Variants in AGL observed in about 807,000 individuals in gnomAD.
AGL encodes amylo-alpha-1,6-glucosidase and 4-alpha-glucanotransferase.
A neutral mutation model predicts 199.3 loss-of-function variants in AGL; 128 were observed. The ratio of observed to expected loss-of-function variants is 0.64; its 90% CI spans 0.56 to 0.74. The LOEUF (loss-of-function observed/expected upper bound fraction) is 0.74, where lower values mean the gene tolerates loss of function less well. AGL is among the 30% of genes least tolerant of loss of function. The probability of loss-of-function intolerance (pLI) is 0.00; values close to 1 mark genes in which losing one functional copy is unlikely to be tolerated. For missense variants in AGL, 1,809 were observed against 1,820.8 expected (o/e 0.99, Z 0.12); for synonymous variants, 584 against 594.7 (o/e 0.98, Z 0.26).
At chr1:99,883,280 G>A (rs1016571250) in intron 17 of AGL, among the ~76,000 whole-genome samples, 1 of 152,068 alleles carries the variant, frequency 6.6e-6, no homozygotes, top group Non-Finnish European at 1.5e-5. Flanking sequence ...TAAAGCTTAA[G>A]TTATTTAAAG....
At chr1:99,874,910 A>C (rs1044763723) in intron 8 of AGL, 100 bp downstream of exon 8, 3 of 1,403,370 alleles carry the variant, frequency 2.1e-6, no homozygotes, top group Non-Finnish European at 3.0e-6. Context: ...TTAATAGAAA[A>C]TGAAATAAAG....
At chr1:99,884,927 C>T (rs185375999) in intron 20 of AGL, among the ~76,000 whole-genome samples, 7 of 152,270 alleles carry the variant, frequency 4.6e-5, no homozygotes, top group Admixed American at 3.9e-4. Flanking sequence ...ACACACATGC[C>T]TACATGCATA....
In AGL at chr1:99,900,741, G is replaced by T; in HGVS notation, c.3468G>T (p.Trp1156Cys). 2 of 1,614,158 alleles carry T rather than the reference G, an allele frequency of 1.2e-6. No individual in the cohort carries two copies. Among genetic ancestry groups the T allele is most frequent in the Non-Finnish European group, 8.5e-7 (1 of 1,180,018 alleles). ...ACAATTGTCGGGATGCTGTGTGGTG[G>T]TGGCTGCAGTGTATCCAGGATTACT... Reference protein sequence around the residue: ...ARYNCRDAVWWWLQCIQDYCK... With the variant: ...ARYNCRDAVWCWLQCIQDYCK... The change falls in exon 26 of 34, where the codon TGG becomes TGT. Residue 1156 changes from tryptophan (W) to cysteine (C), a missense_variant. Trp to Cys is a radical substitution (Grantham distance 215). Transcript: ENST00000361915.
At chr1:99,854,095 G>A (rs1649206620) in intron 2 of AGL, among the ~76,000 whole-genome samples, 1 of 152,108 alleles carries the variant, frequency 6.6e-6, no homozygotes, top group South Asian at 2.1e-4. Flanking sequence ...CTGGGAGGCT[G>A]AGGCAGGAGA....
intron 10 of AGL, 124 bp from the exon 11 acceptor site, chr1:99,876,334 T>C (rs1332516610): frequency 1.3e-6 from 1 of 776,492 alleles, no homozygotes; most frequent in East Asian, 2.7e-5. Flanking sequence ...TTTTTTCCTA[T>C]AAATAGCATC....
intron 10 of AGL, among the ~76,000 whole-genome samples, chr1:99,875,977 C>T (rs1344692688): frequency 2.0e-5 from 3 of 152,164 alleles, no homozygotes; most frequent in African/African-American, 7.2e-5. Flanking sequence ...AGGGTTCAAG[C>T]GATTCTCCTG....
intron 25 of AGL, among the ~76,000 whole-genome samples, chr1:99,899,538 CTCTT>C (rs1653633731): frequency 6.7e-6 from 1 of 150,280 alleles, no homozygotes; most frequent in Non-Finnish European, 1.5e-5. Flanking sequence ...CTTTCTCTCT[CTCTT>C]TCTCTCTCTC....
chr1:99,889,828 A>T (rs987705288), intron 21 of AGL, among the ~76,000 whole-genome samples: 1 of 151,836 alleles, frequency 6.6e-6, no homozygotes, highest in Non-Finnish European at 1.5e-5. Flanking sequence ...AATTGCCTTT[A>T]CCTGTTTATT....
In AGL at chr1:99,851,132, G is replaced by GC; in HGVS notation, c.82+9dup. On this transcript the variant is annotated intron_variant, in intron 2 of 33. Coordinates refer to ENST00000361915, the MANE Select transcript of AGL (RefSeq NM_000642.3). ...TCTTCAGACTTGAACAAGGTCAGTA[G>GC]CAAGTTGTTTTGATTTGCTCATTTG... is the stretch of plus-strand genomic sequence containing the variant. 1 of 1,612,086 alleles carries GC rather than the reference G, an allele frequency of 6.2e-7. No homozygotes were observed. The highest frequency in any genetic ancestry group is 8.5e-7 in the Non-Finnish European group (1 of 1,178,174).
intron 8 of AGL, 61 bp downstream of exon 8, chr1:99,874,871 A>T: frequency 6.4e-7 from 1 of 1,555,642 alleles, no homozygotes; most frequent in Non-Finnish European, 8.9e-7. Flanking sequence ...TATGGCTAGT[A>T]TGATTTTCAT....
At chr1:99,890,292 C>T (rs1652777048) in intron 21 of AGL, among the ~76,000 whole-genome samples, 1 of 152,108 alleles carries the variant, frequency 6.6e-6, no homozygotes, top group African/African-American at 2.4e-5. Flanking sequence ...TTCCATTATT[C>T]AACAGTGAGA....
chr1:99,849,940 G>T (rs545919596), upstream of AGL: 1 of 152,336 alleles, frequency 6.6e-6, no homozygotes, highest in Admixed American at 6.5e-5. Context: ...GCCTTGGCCG[G>T]TGCACCTTCC....
At chr1:99,874,357 TAAAAA>T (rs1214752345) in intron 7 of AGL, 1 of 152,808 alleles carries the variant, frequency 6.5e-6, no homozygotes, top group Non-Finnish European at 1.4e-5. Flanking sequence ...TATAAAAAAA[TAAAAA>T]AAGAATAGAA....
At position 99,921,522 on chromosome 1, in the gene AGL, T is replaced by C. The variant is rs760252316; in HGVS notation, c.4482-12T>C. 4 of 1,562,928 alleles carry C rather than the reference T, an allele frequency of 2.6e-6. No homozygotes were observed. Among genetic ancestry groups the C allele is most frequent in the South Asian group, 1.1e-5 (1 of 90,024 alleles). The stretch of plus-strand genomic sequence containing the variant: ...AATTATGTCTTTGTAAAATGTCTTT[T>C]CTTTCATTCAGATCCCCTTGGAAAG... On this transcript the variant is annotated splice_polypyrimidine_tract_variant and intron_variant, in intron 33 of 33. Coordinates refer to ENST00000361915, the MANE Select transcript of AGL (RefSeq NM_000642.3).
Position 99,916,510 on chromosome 1 carries a change from T to C in AGL, c.4347+13T>C. ...TCACCAAGGACCTGTAAGAATTTCA[T>C]TTATCTTCTGAGTTTCAGTTTAAAT... is the stretch of plus-strand genomic sequence containing the variant. On this transcript the variant is annotated intron_variant, in intron 32 of 33. Transcript: ENST00000361915. The C allele has an allele frequency of 6.2e-7, 1 of 1,607,666 alleles. No homozygotes were observed. The highest frequency in any genetic ancestry group is 8.5e-7 in the Non-Finnish European group (1 of 1,175,000).
At chr1:99,851,588 A>C (rs971239915) in intron 2 of AGL, among the ~76,000 whole-genome samples, 3 of 152,226 alleles carry the variant, frequency 2.0e-5, no homozygotes, top group Non-Finnish European at 4.4e-5. Context: ...GTTTATGTAT[A>C]TCAAAAACTT....
Position 99,881,657 on chromosome 1 carries a change from T to G in AGL, c.2274T>G (p.Phe758Leu). The G allele has an allele frequency of 6.2e-7, 1 of 1,613,956 alleles. No homozygotes were observed. The highest frequency in any genetic ancestry group is 8.5e-7 in the Non-Finnish European group (1 of 1,179,910). The change falls in exon 17 of 34, where the codon TTT becomes TTG. Residue 758 changes from phenylalanine (F) to leucine (L), a missense_variant. Phe to Leu is a conservative substitution (Grantham distance 22, BLOSUM62 0). Coordinates refer to ENST00000361915, the MANE Select transcript of AGL (RefSeq NM_000642.3). ...CTTTCAGGAATCCCAAGACTTCATT[T>G]TACAGCAAGGAAGTGCCTCAAATGT... ...RTAFRNPKTS[F>L]YSKEVPQMCI...
At position 99,892,534 on chromosome 1, in the gene AGL, C is replaced by A; in HGVS notation, c.3186C>A (p.Ala1062=). ...KFPSLPILSP[A]LMDVPYRLNE... Reference sequence around the variant, plus strand: ...CTTCCCTGCCAATTCTTTCACCTGCCCTAATGGATGTACCTTATAGGTTAA... The same window carrying A: ...CTTCCCTGCCAATTCTTTCACCTGCACTAATGGATGTACCTTATAGGTTAA... The change falls in exon 24 of 34, where the codon GCC becomes GCA. Residue 1062 remains alanine (A), a synonymous_variant. Coordinates refer to ENST00000361915, the MANE Select transcript of AGL (RefSeq NM_000642.3). The A allele has an allele frequency of 6.2e-7, 1 of 1,613,474 alleles. No homozygotes were observed. Among genetic ancestry groups the A allele is most frequent in the Non-Finnish European group, 8.5e-7 (1 of 1,179,662 alleles).
At chr1:99,871,492 A>G (rs917088659) in intron 7 of AGL, among the ~76,000 whole-genome samples, 1 of 150,730 alleles carries the variant, frequency 6.6e-6, no homozygotes, top group African/African-American at 2.4e-5. Context: ...ATTAGAAAGG[A>G]TTATTAAGAG....
Sources: gnomAD v4.1 joint callset for allele counts (sites outside exome capture counted in the v4.1 genomes callset) on GRCh38, gnomAD v4.1.1 for gene constraint, MANE v1.5 for transcripts, NCBI Gene and HGNC (gene_info 2026-07-23, HGNC 2026-07-21) for gene names.